Variants in CACNA1C observed in about 807,000 individuals in gnomAD.
CACNA1C encodes the protein calcium voltage-gated channel subunit alpha1 C.
CACNA1C carries 30 observed loss-of-function variants against 229.0 expected under a neutral mutation model. The observed-to-expected ratio is 0.13, with a 90% CI of 0.10 to 0.18. The LOEUF (loss-of-function observed/expected upper bound fraction) is 0.18. CACNA1C is among the 10% of genes least tolerant of loss of function. CACNA1C has a pLI of 1.00. For synonymous variants in CACNA1C, 1,114 were observed against 1,132.5 expected (o/e 0.98, Z 0.33); for missense variants, 1,658 against 2,845.0 (o/e 0.58, Z 9.49).
chr12:2,489,144 G>A (rs932438502), intron 6 of CACNA1C, among the ~76,000 whole-genome samples: 2 of 151,916 alleles, frequency 1.3e-5, no homozygotes, highest in East Asian at 1.9e-4. Flanking sequence ...TCAGACTTTG[G>A]ATTGAATTAC....
chr12:2,250,601 G>A (rs541005286), intron 3 of CACNA1C, among the ~76,000 whole-genome samples: 21 of 152,258 alleles, frequency 1.4e-4, no homozygotes, highest in African/African-American at 3.6e-4. Context: ...AAGGCCATGC[G>A]TTAAATACCC....
At chr12:2,138,925 C>T (rs1347435304) in intron 3 of CACNA1C, among the ~76,000 whole-genome samples, 1 of 150,574 alleles carries the variant, frequency 6.6e-6, no homozygotes, top group East Asian at 1.9e-4. Flanking sequence ...CCATGACTGG[C>T]TTTGGTGCTG....
At chr12:2,130,460 C>G (rs867911651) in intron 3 of CACNA1C, among the ~76,000 whole-genome samples, 30 of 109,184 alleles carry the variant, frequency 2.7e-4, no homozygotes, top group African/African-American at 9.1e-4. Flanking sequence ...CCCCTCCCCC[C>G]ACCCCACCAC....
intron 3 of CACNA1C, among the ~76,000 whole-genome samples, chr12:2,307,465 G>A (rs2095129791): frequency 6.6e-6 from 1 of 152,196 alleles, no homozygotes; most frequent in Non-Finnish European, 1.5e-5. Context: ...CTGCTTCCCA[G>A]TACTCATGGT....
chr12:2,669,078 T>TAGC, intron 38 of CACNA1C, 43 bp downstream of exon 38: 1 of 1,329,836 alleles, frequency 7.5e-7, no homozygotes, highest in East Asian at 2.3e-5. Flanking sequence ...TCAGAAGGTC[T>TAGC]AGCAGACAAT....
At chr12:2,682,228 AT>A (rs2097184225) in intron 42 of CACNA1C, among the ~76,000 whole-genome samples, 1 of 152,148 alleles carries the variant, frequency 6.6e-6, no homozygotes, top group African/African-American at 2.4e-5. Flanking sequence ...TGTCATTCCA[AT>A]TTCATAGGGA....
chr12:2,684,591 G>C (rs188900205), intron 43 of CACNA1C, among the ~76,000 whole-genome samples: 2 of 152,208 alleles, frequency 1.3e-5, no homozygotes, highest in Admixed American at 6.5e-5. Flanking sequence ...AAACTAAGAG[G>C]GTCTCAGGAG....
At chr12:2,449,456 G>C (rs953638150) in intron 4 of CACNA1C, among the ~76,000 whole-genome samples, 26 of 152,306 alleles carry the variant, frequency 1.7e-4, no homozygotes, top group Admixed American at 1.2e-3. Flanking sequence ...CAGTGCGCAG[G>C]CTGGCTGGAG....
intron 29 of CACNA1C, among the ~76,000 whole-genome samples, chr12:2,626,499 T>C (rs1347392658): frequency 6.6e-6 from 1 of 152,196 alleles, no homozygotes; most frequent in African/African-American, 2.4e-5. Flanking sequence ...TGATGCTGCT[T>C]GTTTCCTGCC....
At chr12:2,220,052 G>T (rs2061045818) in intron 3 of CACNA1C, among the ~76,000 whole-genome samples, 1 of 152,204 alleles carries the variant, frequency 6.6e-6, no homozygotes, top group Non-Finnish European at 1.5e-5. Flanking sequence ...TTTGCATCCT[G>T]CATCCAGAAT....
rs943362636 is a variant in CACNA1C, at chr12:1,975,070, C to T, written c.139+3869C>T. On this transcript the variant is annotated intron_variant, in intron 1 of 46. Transcript: ENST00000682462. ...GAAATATTTCTACAATTTGACATAG[C>T]AGTAGTCTAGCCAAAGGAGCCTAGT... Among the ~76,000 whole-genome samples, 9 of 152,232 alleles carry T rather than the reference C, an allele frequency of 5.9e-5. No individual in the cohort carries two copies. The South Asian group carries it at 1.9e-3, about 32-fold the overall frequency.
At chr12:2,623,022 T>C (rs541297105) in intron 29 of CACNA1C, among the ~76,000 whole-genome samples, 2 of 152,344 alleles carry the variant, frequency 1.3e-5, no homozygotes, top group South Asian at 2.1e-4. Flanking sequence ...AGTCTTTCGA[T>C]GTACAGGGAA....
At chr12:2,242,006 T>C (rs1473559675) in intron 3 of CACNA1C, among the ~76,000 whole-genome samples, 1 of 152,152 alleles carries the variant, frequency 6.6e-6, no homozygotes, top group Non-Finnish European at 1.5e-5. Flanking sequence ...AGCTCCCTGC[T>C]CCATCTTGCA....
intron 3 of CACNA1C, among the ~76,000 whole-genome samples, chr12:2,382,735 C>A (rs1220138479): frequency 6.6e-6 from 1 of 152,146 alleles, no homozygotes; most frequent in Non-Finnish European, 1.5e-5. Context: ...ATGTATTTTG[C>A]CCTGGGCACC....
chr12:2,637,663 T>C (rs1477352140), intron 30 of CACNA1C, among the ~76,000 whole-genome samples: 1 of 152,264 alleles, frequency 6.6e-6, no homozygotes, highest in African/African-American at 2.4e-5. Context: ...TAGCAGCGTA[T>C]GGGCGGCCCC....
At chr12:1,986,104 C>T (rs767381510) in intron 1 of CACNA1C, among the ~76,000 whole-genome samples, 122 of 152,352 alleles carry the variant, frequency 8.0e-4, no homozygotes, top group Middle Eastern at 3.4e-3. Flanking sequence ...TGAGCCACTG[C>T]GCCCAGCCGT....
chr12:2,226,823 G>T (rs2063144277), intron 3 of CACNA1C, among the ~76,000 whole-genome samples: 1 of 152,176 alleles, frequency 6.6e-6, no homozygotes, highest in Admixed American at 6.5e-5. Context: ...TATTCTTTCG[G>T]CAGGAGAAGG....
chr12:2,432,321 G>GA (rs1303495559), intron 3 of CACNA1C, among the ~76,000 whole-genome samples: 2 of 152,210 alleles, frequency 1.3e-5, no homozygotes, highest in African/African-American at 4.8e-5. Context: ...TACAAGAAAG[G>GA]AAGTGGATGG....
intron 3 of CACNA1C, among the ~76,000 whole-genome samples, chr12:2,182,362 T>G (rs1421700396): frequency 6.6e-6 from 1 of 152,104 alleles, no homozygotes; most frequent in African/African-American, 2.4e-5. Flanking sequence ...TGCTTCTGCT[T>G]CTACGAGGCC....
Sources: gnomAD v4.1 joint callset for allele counts (sites outside exome capture counted in the v4.1 genomes callset) on GRCh38, gnomAD v4.1.1 for gene constraint, MANE v1.5 for transcripts, NCBI Gene and HGNC (gene_info 2026-07-23, HGNC 2026-07-21) for gene names.